Variants in SGIP1 observed in about 807,000 individuals in gnomAD.
The protein encoded by SGIP1 is SH3GL interacting endocytic adaptor 1, also known as SH3-containing GRB2-like protein 3-interacting protein 1.
Under a neutral mutation model 107.5 loss-of-function variants are expected in SGIP1, and 38 were observed. That is an observed-to-expected ratio of 0.35 (90% CI 0.27 to 0.46). SGIP1 has a LOEUF of 0.46. SGIP1 is among the 20% of genes least tolerant of loss of function. The pLI is 1.00. For missense variants in SGIP1, 929 were observed against 1,019.5 expected, an observed-to-expected ratio of 0.91 and a Z score of 1.21; for synonymous variants, 365 against 366.1, an observed-to-expected ratio of 1.00 and a Z score of 0.03.
chr1:66,629,175 G>A (rs936100617), intron 2 of SGIP1, among the ~76,000 whole-genome samples: 1 of 152,296 alleles, frequency 6.6e-6, no homozygotes, highest in African/African-American at 2.4e-5. Flanking sequence ...ACTGTGGGTT[G>A]CTCAGCAACC....
chr1:66,709,985 AGATAT>A (rs1427924742), intron 18 of SGIP1, among the ~76,000 whole-genome samples: 1 of 151,844 alleles, frequency 6.6e-6, no homozygotes, highest in Non-Finnish European at 1.5e-5. Flanking sequence ...CACACATATA[AGATAT>A]ATTTTATATA....
At chr1:66,559,744 C>T (rs541602911) in intron 1 of SGIP1, among the ~76,000 whole-genome samples, 4 of 152,092 alleles carry the variant, frequency 2.6e-5, no homozygotes, top group Admixed American at 2.6e-4. Flanking sequence ...GACACATTTC[C>T]CAGAAGCCCC....
intron 4 of SGIP1, among the ~76,000 whole-genome samples, chr1:66,639,249 T>C (rs1469474982): frequency 1.3e-5 from 2 of 152,214 alleles, no homozygotes; most frequent in African/African-American, 2.4e-5. Context: ...AGGAACTGAA[T>C]GAACTGATTT....
chr1:66,683,700 C>CTTTTTTTTTTTTTTTTTTTTTTTTTTT lies in SGIP1; in HGVS notation c.1315+1333_1315+1359dup, dbSNP rs869266510. Among the ~76,000 whole-genome samples the CTTTTTTTTTTTTTTTTTTTTTTTTTTT allele has an allele frequency of 2.1e-3, 131 of 61,394 alleles. 26 individuals are homozygous for CTTTTTTTTTTTTTTTTTTTTTTTTTTT. The highest frequency in any genetic ancestry group is 0.013 in the East Asian group (12 of 908). The allele number at this position is 61,394 out of a possible 152,430, so 40.3% of individuals were successfully genotyped here. A position where few individuals can be genotyped will look rare whatever the true frequency, so the allele number is the denominator to read the frequency against. On this transcript the variant is annotated intron_variant, in intron 15 of 24. Coordinates refer to ENST00000371037, the MANE Select transcript of SGIP1 (RefSeq NM_032291.4). ...ACCACACTGTTTGTTTGTTTCTTTT[C>CTTTTTTTTTTTTTTTTTTTTTTTTTTT]TTTTTTTTTTTTTTTTTTTTTTTTT...
rs192513159 is a variant in SGIP1, at chr1:66,726,858, C to A, written c.1743-2406C>A. Among the ~76,000 whole-genome samples, 257 of 152,156 alleles carry A rather than the reference C, an allele frequency of 1.7e-3. 4 individuals are homozygous for A. In the South Asian group the frequency reaches 0.029, roughly 17 times the overall value. On this transcript the variant is annotated intron_variant, in intron 19 of 24. Coordinates refer to ENST00000371037, the MANE Select transcript of SGIP1 (RefSeq NM_032291.4). ...CAGTGGCTCATGCCTGTAATTCCAGCAGTTCGGGAGGCCAAGGCAGGAGGA... is the reference window on the plus strand; with the variant it reads ...CAGTGGCTCATGCCTGTAATTCCAGAAGTTCGGGAGGCCAAGGCAGGAGGA...
At chr1:66,708,239 G>T (rs2092663031) in intron 18 of SGIP1, among the ~76,000 whole-genome samples, 1 of 152,130 alleles carries the variant, frequency 6.6e-6, no homozygotes, top group African/African-American at 2.4e-5. Context: ...TTTGAGATTA[G>T]AAGACATGAG....
At chr1:66,583,241 T>C (rs11208913) in intron 1 of SGIP1, among the ~76,000 whole-genome samples, 28,548 of 151,996 alleles carry the variant, frequency 0.19, 3,152 homozygotes, top group African/African-American at 0.31. Context: ...GATGAGCCAT[T>C]AGCGCTTTTC....
chr1:66,641,990 G>A (rs1571120273), intron 5 of SGIP1, among the ~76,000 whole-genome samples: 1 of 152,104 alleles, frequency 6.6e-6, no homozygotes, highest in East Asian at 1.9e-4. Flanking sequence ...AGCACATCTT[G>A]CCTGAATCGA....
At chr1:66,679,417 T>C (rs1214487732) in intron 13 of SGIP1, among the ~76,000 whole-genome samples, 1 of 152,224 alleles carries the variant, frequency 6.6e-6, no homozygotes, top group African/African-American at 2.4e-5. Flanking sequence ...TGTTGAATCA[T>C]ATTTACATGA....
At chr1:66,739,205 C>A in intron 21 of SGIP1, 130 bp from the exon 22 acceptor site, 2 of 964,524 alleles carry the variant, frequency 2.1e-6, no homozygotes, top group Non-Finnish European at 3.1e-6. Flanking sequence ...CCAGCTCTCT[C>A]ACAGCACGCT....
chr1:66,668,184 A>T (rs952369284), intron 9 of SGIP1, among the ~76,000 whole-genome samples: 1 of 152,124 alleles, frequency 6.6e-6, no homozygotes, highest in Non-Finnish European at 1.5e-5. Flanking sequence ...CTCAAGTTGA[A>T]AAGTATCATA....
In SGIP1 at chr1:66,689,574, GTCTGATATTAGAAAAC is replaced by G. The variant is rs1298124847; in HGVS notation, c.1443+302_1443+317del. ...GAAAGAGAGGTGTTTCACAGTATTT[GTCTGATATTAGAAAAC>G]TCCAAGAGAGGGCAAATCCTGGTTT... On this transcript the variant is annotated intron_variant, in intron 16 of 24. Transcript: ENST00000371037. Among the ~76,000 whole-genome samples, 3 of 152,166 alleles carry G rather than the reference GTCTGATATTAGAAAAC, an allele frequency of 2.0e-5. No homozygotes were observed. The East Asian group carries it at 5.8e-4, about 29-fold the overall frequency.
chr1:66,651,718 A>T (rs1300597631), intron 7 of SGIP1, among the ~76,000 whole-genome samples: 1 of 152,170 alleles, frequency 6.6e-6, no homozygotes, highest in Non-Finnish European at 1.5e-5. Context: ...ACCACATGAC[A>T]GGAGAGCGAG....
intron 6 of SGIP1, 126 bp downstream of exon 6, chr1:66,642,990 A>G: frequency 6.6e-6 from 5 of 759,336 alleles, no homozygotes; most frequent in Non-Finnish European, 1.0e-5. Context: ...CTAATATTAG[A>G]GATGAATAAA....
At position 66,741,868 on chromosome 1, in the gene SGIP1, C is replaced by T. The variant is rs1414516693; in HGVS notation, c.2464+432C>T. On this transcript the variant is annotated intron_variant, in intron 24 of 24. Coordinates refer to ENST00000371037, the MANE Select transcript of SGIP1 (RefSeq NM_032291.4). ...CTGCAAGCTCTGCCTCCCGGGTTCA[C>T]GCCATTCTCCTGCCTCAGCCTCCCG... Among the ~76,000 whole-genome samples, 3 of 151,654 alleles carry T rather than the reference C, an allele frequency of 2.0e-5. No individual in the cohort carries two copies. The East Asian group carries it at 5.8e-4, about 29-fold the overall frequency.
At chr1:66,547,770 G>A (rs148348523) in intron 1 of SGIP1, among the ~76,000 whole-genome samples, 6 of 152,222 alleles carry the variant, frequency 3.9e-5, no homozygotes, top group East Asian at 3.9e-4. Flanking sequence ...CTCAGATTAC[G>A]GTAAAATCAG....
intron 1 of SGIP1, among the ~76,000 whole-genome samples, chr1:66,588,629 T>C (rs2063043564): frequency 6.8e-6 from 1 of 147,748 alleles, no homozygotes; most frequent in African/African-American, 2.5e-5. Flanking sequence ...TCACTCTTTC[T>C]AGTTAGTTCT....
At chr1:66,584,609 G>A (rs1006470569) in intron 1 of SGIP1, among the ~76,000 whole-genome samples, 3 of 152,072 alleles carry the variant, frequency 2.0e-5, no homozygotes, top group Non-Finnish European at 4.4e-5. Flanking sequence ...TACTATGTTA[G>A]CTTCCTTAGC....
At chr1:66,689,108 C>T (rs758308615) in intron 15 of SGIP1, 40 bp from the exon 16 acceptor site, 5 of 1,598,500 alleles carry the variant, frequency 3.1e-6, no homozygotes, top group Non-Finnish European at 4.3e-6. Flanking sequence ...GCTTTGGCCC[C>T]CTGTGTTTCC....
Sources: gnomAD v4.1 joint callset for allele counts (sites outside exome capture counted in the v4.1 genomes callset) on GRCh38, gnomAD v4.1.1 for gene constraint, MANE v1.5 for transcripts, NCBI Gene and HGNC (gene_info 2026-07-23, HGNC 2026-07-21) for gene names.